The following BTC variants were observed in gnomAD, a reference collection of about 807,000 sequenced individuals.
BTC encodes betacellulin, also known as probetacellulin.
BTC carries 13 observed loss-of-function variants against 18.1 expected under a neutral mutation model. The observed-to-expected ratio is 0.72, with a 90% CI of 0.47 to 1.14. The LOEUF (loss-of-function observed/expected upper bound fraction) is 1.14, where lower values mean the gene tolerates loss of function less well. Ranked by LOEUF, BTC falls within the 50% of genes most tolerant of loss-of-function variation. The pLI is 0.00. For missense variants in BTC, 247 were observed against 224.2 expected, an observed-to-expected ratio of 1.10 and a Z score of -0.65; for synonymous variants, 83 against 79.4, an observed-to-expected ratio of 1.05 and a Z score of -0.24.
intron 1 of BTC, among the ~76,000 whole-genome samples, chr4:74,776,407 C>T (rs950701238): frequency 5.9e-5 from 9 of 152,140 alleles, no homozygotes; most frequent in South Asian, 2.1e-4. Flanking sequence ...GAAATTAGTC[C>T]TTATTTCTGG....
At chr4:74,773,861 C>G (rs913370334) in intron 1 of BTC, among the ~76,000 whole-genome samples, 1 of 152,102 alleles carries the variant, frequency 6.6e-6, no homozygotes, top group African/African-American at 2.4e-5. Flanking sequence ...ATACACCCAT[C>G]TCAGCCTCCC....
In BTC at chr4:74,745,767, A is replaced by C. The variant is rs1257302001; in HGVS notation, c.*910T>G. On this transcript the variant is annotated 3_prime_UTR_variant, in exon 6 of 6. Transcript: ENST00000395743. ...AGCCTCTTTCAGTAATATTATTTAT[A>C]TTTTATTGAGCATAAACACTTACCC... 1 of 152,198 alleles carries C rather than the reference A, an allele frequency of 6.6e-6. No individual in the cohort carries two copies. Among genetic ancestry groups the C allele is most frequent in the Non-Finnish European group, 1.5e-5 (1 of 68,032 alleles). The allele number at this position is 152,198 out of a possible 1,614,324, so 9.4% of individuals were successfully genotyped here.
At chr4:74,786,114 CTG>C (rs1193751853) in intron 1 of BTC, among the ~76,000 whole-genome samples, 1 of 152,158 alleles carries the variant, frequency 6.6e-6, no homozygotes, top group African/African-American at 2.4e-5. Flanking sequence ...TAGTAACATC[CTG>C]TGTCTGTCAC....
At chr4:74,764,017 TAAAG>T (rs1434342835) in intron 2 of BTC, among the ~76,000 whole-genome samples, 1 of 151,958 alleles carries the variant, frequency 6.6e-6, no homozygotes, top group East Asian at 1.9e-4. Flanking sequence ...TAATAAATTT[TAAAG>T]AAAGCAGAAA....
intron 2 of BTC, among the ~76,000 whole-genome samples, chr4:74,758,707 T>C (rs1724670207): frequency 6.6e-6 from 1 of 152,184 alleles, no homozygotes; most frequent in East Asian, 1.9e-4. Flanking sequence ...AGTGATTTGA[T>C]CAGCCTTCGT....
chr4:74,787,517 T>C (rs1382018526), intron 1 of BTC, among the ~76,000 whole-genome samples: 2 of 152,180 alleles, frequency 1.3e-5, no homozygotes, highest in African/African-American at 2.4e-5. Flanking sequence ...AGGTTAGCCA[T>C]CTTGAGCAAT....
rs539714566 is a variant in BTC, at chr4:74,754,309, G to A, written c.281+1550C>T. On this transcript the variant is annotated intron_variant, in intron 3 of 5. Transcript: ENST00000395743. ...GCACCTAGTAAATTCTGAGGACTGT[G>A]TTTGACACTGAAATACAAAAATGAA... is the stretch of plus-strand genomic sequence containing the variant. 3.3e-5 allele frequency among the ~76,000 whole-genome samples: 5 copies of A among 152,342 alleles called. No homozygotes were observed. In the East Asian group the frequency reaches 9.6e-4, roughly 29 times the overall value.
intron 2 of BTC, among the ~76,000 whole-genome samples, 154 bp from the exon 3 acceptor site, chr4:74,756,130 T>G (rs1724591380): frequency 6.6e-6 from 1 of 152,206 alleles, no homozygotes; most frequent in Non-Finnish European, 1.5e-5. Context: ...GTCAGACTTT[T>G]GTGACTCCAA....
At chr4:74,784,366 C>T (rs1344660244) in intron 1 of BTC, among the ~76,000 whole-genome samples, 1 of 152,078 alleles carries the variant, frequency 6.6e-6, no homozygotes, top group Non-Finnish European at 1.5e-5. Flanking sequence ...ATATAGGATC[C>T]TGTCATCTGC....
chr4:74,783,698 A>C (rs1477370721), intron 1 of BTC, among the ~76,000 whole-genome samples: 1 of 149,878 alleles, frequency 6.7e-6, no homozygotes, highest in African/African-American at 2.5e-5. Flanking sequence ...TCTATAAATT[A>C]CACTGGGCAG....
At chr4:74,755,742 A>T in intron 3 of BTC, 117 bp downstream of exon 3, 1 of 946,396 alleles carries the variant, frequency 1.1e-6, no homozygotes, top group East Asian at 2.4e-5. Context: ...GGGCAGGACC[A>T]GGCAGAACTG....
intron 1 of BTC, among the ~76,000 whole-genome samples, chr4:74,791,009 A>G (rs769096184): frequency 2.6e-5 from 4 of 152,202 alleles, no homozygotes; most frequent in Non-Finnish European, 4.4e-5. Context: ...GTTATATGCA[A>G]CGCAACGTCT....
intron 1 of BTC, among the ~76,000 whole-genome samples, chr4:74,772,928 G>A (rs564307962): frequency 2.3e-4 from 35 of 152,270 alleles, no homozygotes; most frequent in African/African-American, 8.2e-4. Flanking sequence ...TGGGGGCTAT[G>A]GCCCAGGCTC....
At chr4:74,754,039 GA>G (rs1286977037) in intron 3 of BTC, among the ~76,000 whole-genome samples, 1 of 152,182 alleles carries the variant, frequency 6.6e-6, no homozygotes, top group Non-Finnish European at 1.5e-5. Context: ...CTGAGGCTCA[GA>G]AAAGGTAACT....
At chr4:74,749,536 G>A (rs370050715) in intron 4 of BTC, among the ~76,000 whole-genome samples, 6 of 148,810 alleles carry the variant, frequency 4.0e-5, no homozygotes, top group African/African-American at 1.0e-4. Context: ...TCCCTCTACC[G>A]TAGTGCTTTT....
intron 3 of BTC, among the ~76,000 whole-genome samples, chr4:74,754,868 A>G (rs148733372): frequency 1.4e-3 from 214 of 152,070 alleles, no homozygotes; most frequent in African/African-American, 4.7e-3. Flanking sequence ...TATTTTTAAA[A>G]TTCAATATGT....
intron 2 of BTC, among the ~76,000 whole-genome samples, chr4:74,766,034 A>G (rs1413205717): frequency 6.6e-5 from 10 of 152,140 alleles, no homozygotes; most frequent in African/African-American, 2.4e-4. Flanking sequence ...CAATCATAAC[A>G]TAATAGTATT....
At chr4:74,779,052 A>C (rs960303972) in intron 1 of BTC, among the ~76,000 whole-genome samples, 1 of 152,166 alleles carries the variant, frequency 6.6e-6, no homozygotes. Flanking sequence ...CAAAGAAAAA[A>C]AGAAGAGGGT....
At chr4:74,786,932 A>T (rs1001065726) in intron 1 of BTC, among the ~76,000 whole-genome samples, 1 of 152,144 alleles carries the variant, frequency 6.6e-6, no homozygotes, top group Non-Finnish European at 1.5e-5. Flanking sequence ...CACATCCCTG[A>T]ATCTGGGCTC....
Sources: allele counts gnomAD v4.1 joint callset (sites outside exome capture counted in the v4.1 genomes callset), GRCh38; gene constraint gnomAD v4.1.1; transcripts MANE v1.5; gene names NCBI Gene and HGNC (gene_info 2026-07-23, HGNC 2026-07-21).